Variants in CLSTN2 observed in about 807,000 individuals in gnomAD.
CLSTN2 encodes calsyntenin-2.
Under a neutral mutation model 101.2 loss-of-function variants are expected in CLSTN2, and 48 were observed. The ratio of observed to expected loss-of-function variants is 0.47; its 90% CI spans 0.38 to 0.60. CLSTN2 has a LOEUF of 0.60. Among genes scored for constraint, CLSTN2 ranks in the 20% least tolerant of loss-of-function variants. CLSTN2 has a pLI of 0.00. For missense variants in CLSTN2, 1,160 were observed against 1,238.2 expected (o/e 0.94, Z 0.95); for synonymous variants, 481 against 463.6 (o/e 1.04, Z -0.48).
chr3:140,070,102 C>T (rs1233906693), intron 1 of CLSTN2, among the ~76,000 whole-genome samples: 5 of 152,178 alleles, frequency 3.3e-5, no homozygotes, highest in Admixed American at 3.3e-4. Context: ...TGTCTTTGGT[C>T]CTGCTGTCAG....
chr3:140,022,878 A>G (rs2007347285), intron 1 of CLSTN2, among the ~76,000 whole-genome samples: 1 of 152,232 alleles, frequency 6.6e-6, no homozygotes, highest in African/African-American at 2.4e-5. Flanking sequence ...ACATATGGAA[A>G]GGAGCAGATC....
chr3:140,450,801 A>G (rs1200604549), intron 6 of CLSTN2, among the ~76,000 whole-genome samples: 2 of 152,104 alleles, frequency 1.3e-5, no homozygotes, highest in African/African-American at 4.8e-5. Context: ...CCAAGTAAAA[A>G]TATTTAGAAC....
intron 6 of CLSTN2, among the ~76,000 whole-genome samples, chr3:140,455,902 C>A (rs969261498): frequency 6.6e-6 from 1 of 152,178 alleles, no homozygotes; most frequent in Non-Finnish European, 1.5e-5. Flanking sequence ...GCAACATCTG[C>A]GGGTTAGAGA....
chr3:140,131,746 T>C (rs1185839734), intron 1 of CLSTN2, among the ~76,000 whole-genome samples: 4 of 152,136 alleles, frequency 2.6e-5, no homozygotes, highest in Non-Finnish European at 5.9e-5. Flanking sequence ...CCCACGACTT[T>C]TCAGCAAAGC....
At chr3:140,353,341 A>G (rs1409914036) in intron 2 of CLSTN2, among the ~76,000 whole-genome samples, 1 of 152,022 alleles carries the variant, frequency 6.6e-6, no homozygotes, top group African/African-American at 2.4e-5. Context: ...AAGGAAAGCC[A>G]GTCCAAGTTC....
chr3:140,374,927 C>G (rs1359018869), intron 2 of CLSTN2, among the ~76,000 whole-genome samples: 1 of 152,230 alleles, frequency 6.6e-6, no homozygotes, highest in Non-Finnish European at 1.5e-5. Context: ...TTCCCTCTGA[C>G]TACACCAGCC....
At chr3:140,190,981 T>G (rs1358381072) in intron 2 of CLSTN2, among the ~76,000 whole-genome samples, 1 of 152,114 alleles carries the variant, frequency 6.6e-6, no homozygotes, top group African/African-American at 2.4e-5. Context: ...GAAGATATCC[T>G]TGCCTTGTTC....
At chr3:140,184,837 A>G (rs1288163305) in intron 2 of CLSTN2, among the ~76,000 whole-genome samples, 1 of 152,166 alleles carries the variant, frequency 6.6e-6, no homozygotes, top group South Asian at 2.1e-4. Context: ...GATCCTTATC[A>G]GAACTGGATG....
intron 1 of CLSTN2, among the ~76,000 whole-genome samples, chr3:140,172,719 A>G (rs1265699705): frequency 6.6e-6 from 1 of 152,204 alleles, no homozygotes; most frequent in Non-Finnish European, 1.5e-5. Context: ...GAAGGCAAGG[A>G]AGATCAAGTC....
chr3:140,171,492 G>C (rs946643152), intron 1 of CLSTN2, among the ~76,000 whole-genome samples: 1 of 150,308 alleles, frequency 6.7e-6, no homozygotes, highest in South Asian at 2.1e-4. Flanking sequence ...TGAAGGATGA[G>C]GCAGGAAGGG....
At chr3:140,399,136 C>G (rs936254141) in intron 2 of CLSTN2, among the ~76,000 whole-genome samples, 6 of 152,224 alleles carry the variant, frequency 3.9e-5, no homozygotes, top group Non-Finnish European at 7.3e-5. Context: ...TGTCCACACA[C>G]AATTCCTGGC....
intron 1 of CLSTN2, among the ~76,000 whole-genome samples, chr3:140,112,287 G>A (rs2009168780): frequency 1.3e-5 from 2 of 152,088 alleles, no homozygotes; most frequent in Non-Finnish European, 1.5e-5. Context: ...TATTTGTGGA[G>A]CTTATTTTGC....
intron 2 of CLSTN2, among the ~76,000 whole-genome samples, chr3:140,395,646 A>T (rs2088173487): frequency 1.3e-5 from 2 of 152,144 alleles, no homozygotes; most frequent in Admixed American, 1.3e-4. Context: ...GAGGGTTTAA[A>T]CTCAATGTTC....
intron 2 of CLSTN2, among the ~76,000 whole-genome samples, chr3:140,296,505 TCAAA>T (rs1408483966): frequency 6.6e-6 from 1 of 152,222 alleles, no homozygotes; most frequent in Non-Finnish European, 1.5e-5. Flanking sequence ...GAGCAACTTT[TCAAA>T]CAGTCTCAGC....
chr3:140,372,764 G>T (rs1443286924), intron 2 of CLSTN2, among the ~76,000 whole-genome samples: 2 of 152,138 alleles, frequency 1.3e-5, no homozygotes, highest in Non-Finnish European at 2.9e-5. Flanking sequence ...TGGGAACACT[G>T]GTTCTCTTGG....
intron 6 of CLSTN2, chr3:140,452,527 A>C (rs1933277103): frequency 6.6e-6 from 1 of 152,288 alleles, no homozygotes; most frequent in Non-Finnish European, 1.5e-5. Flanking sequence ...ATATCTCCTC[A>C]GAGGGTCATC....
intron 9 of CLSTN2, among the ~76,000 whole-genome samples, chr3:140,535,569 C>G (rs1409688864): frequency 1.3e-5 from 2 of 152,320 alleles, no homozygotes; most frequent in Non-Finnish European, 2.9e-5. Flanking sequence ...GGACTGATCT[C>G]CCTTAGAGTT....
chr3:140,152,818 A>G (rs1413458191), intron 1 of CLSTN2, among the ~76,000 whole-genome samples: 1 of 152,172 alleles, frequency 6.6e-6, no homozygotes. Flanking sequence ...TTCCTGCTCC[A>G]TGCTTAGTGG....
chr3:140,130,305 G>A (rs1487511457), intron 1 of CLSTN2, among the ~76,000 whole-genome samples: 1 of 152,194 alleles, frequency 6.6e-6, no homozygotes, highest in Non-Finnish European at 1.5e-5. Context: ...TGCTCAGGGA[G>A]CCCTCTGCAA....
Sources: allele counts gnomAD v4.1 joint callset (sites outside exome capture counted in the v4.1 genomes callset), GRCh38; gene constraint gnomAD v4.1.1; transcripts MANE v1.5; gene names NCBI Gene and HGNC (gene_info 2026-07-23, HGNC 2026-07-21).